The following TIAM1 variants were observed in gnomAD, a reference collection of about 807,000 sequenced individuals.
TIAM1 encodes rho guanine nucleotide exchange factor TIAM1.
TIAM1 carries 65 observed loss-of-function variants against 163.5 expected under a neutral mutation model. The observed-to-expected ratio is 0.40, with a 90% CI of 0.33 to 0.49. The LOEUF is 0.49. TIAM1 is among the 20% of genes least tolerant of loss of function. TIAM1 has a pLI of 0.77. For synonymous variants in TIAM1, 833 were observed against 810.1 expected (o/e 1.03, Z -0.48); for missense variants, 1,789 against 2,044.7 (o/e 0.87, Z 2.41).
intron 2 of TIAM1, among the ~76,000 whole-genome samples, chr21:31,319,703 C>A (rs1414986504): frequency 1.3e-5 from 2 of 150,682 alleles, no homozygotes; most frequent in African/African-American, 4.9e-5. Flanking sequence ...TGGCATGAAC[C>A]CGGGAGGCGG....
chr21:31,148,956 C>CTTTTTTTTTTTTTTTT (rs869158026), intron 19 of TIAM1, among the ~76,000 whole-genome samples: 3 of 28,844 alleles, frequency 1.0e-4, no homozygotes, highest in African/African-American at 2.8e-4. Flanking sequence ...ACAAGTTTTT[C>CTTTTTTTTTTTTTTTT]TTTTTCTTTT....
At chr21:31,254,713 C>T (rs1400185909) in intron 4 of TIAM1, among the ~76,000 whole-genome samples, 1 of 152,100 alleles carries the variant, frequency 6.6e-6, no homozygotes, top group Non-Finnish European at 1.5e-5. Flanking sequence ...CAAAACAAAA[C>T]AAACAAACAA....
At chr21:31,276,666 CA>C (rs1299442743) in intron 3 of TIAM1, 65 bp downstream of exon 3, 1 of 152,226 alleles carries the variant, frequency 6.6e-6, no homozygotes, top group Non-Finnish European at 1.5e-5. Context: ...TCTGTCCCAC[CA>C]CCTTTGAAGC....
intron 2 of TIAM1, among the ~76,000 whole-genome samples, chr21:31,325,698 A>T (rs550475782): frequency 6.6e-6 from 1 of 152,124 alleles, no homozygotes; most frequent in Admixed American, 6.5e-5. Flanking sequence ...TATACAGAAG[A>T]AGGTTCATCT....
intron 2 of TIAM1, among the ~76,000 whole-genome samples, chr21:31,369,115 T>A (rs1237810332): frequency 6.6e-6 from 1 of 151,214 alleles, no homozygotes; most frequent in Admixed American, 6.6e-5. Context: ...AGTCTCAGCT[T>A]CTTGGGAGGC....
chr21:31,401,450 A>G (rs1233910046), intron 2 of TIAM1, among the ~76,000 whole-genome samples: 1 of 152,188 alleles, frequency 6.6e-6, no homozygotes, highest in Non-Finnish European at 1.5e-5. Flanking sequence ...CCGAATATAA[A>G]CAATGGTAAA....
chr21:31,217,545 GA>G lies in TIAM1; in HGVS notation c.2142+7del, dbSNP rs760476182. The G allele has an allele frequency of 6.2e-7, 1 of 1,613,486 alleles. No homozygotes were observed. The highest frequency in any genetic ancestry group is 8.5e-7 in the Non-Finnish European group (1 of 1,179,662). On this transcript the variant is annotated splice_region_variant and intron_variant, in intron 9 of 27. Transcript: ENST00000541036. ...GCGGGCTCACTTTTCATCTGCTCTG[GA>G]ACCTACCTGATTGATGCTTGGCCGT...
rs1332914055 is a variant in TIAM1 at position 31,500,621 on chromosome 21, T to A, written c.-421-36586A>T. On this transcript the variant is annotated intron_variant, in intron 1 of 28. Transcript: ENST00000286827. ...ACACTGGGGCACAGCAGTCTTTTAA[T>A]CCAGTATGTTTAGCATCCTCAGGAG... 3.3e-5 allele frequency among the ~76,000 whole-genome samples: 5 copies of A among 152,112 alleles called. No individual in the cohort carries two copies. In the East Asian group the frequency reaches 9.6e-4, roughly 29 times the overall value.
intron 1 of TIAM1, among the ~76,000 whole-genome samples, chr21:31,512,774 T>G (rs1318243508): frequency 6.6e-6 from 1 of 151,484 alleles, no homozygotes; most frequent in East Asian, 1.9e-4. Context: ...CAAGCCACCA[T>G]GCCTAGTTAG....
chr21:31,166,877 C>T (rs2084245510), intron 15 of TIAM1, among the ~76,000 whole-genome samples: 1 of 152,194 alleles, frequency 6.6e-6, no homozygotes, highest in Non-Finnish European at 1.5e-5. Flanking sequence ...ACAGGAACCA[C>T]AGCATCCTCA....
chr21:31,361,212 CAAGAG>C (rs2076401048), intron 2 of TIAM1, among the ~76,000 whole-genome samples: 1 of 152,028 alleles, frequency 6.6e-6, no homozygotes, highest in Non-Finnish European at 1.5e-5. Flanking sequence ...GAGCTACACC[CAAGAG>C]AAAAGTTGAG....
chr21:31,503,390 GAAAGA>G (rs1487880905), intron 1 of TIAM1, among the ~76,000 whole-genome samples: 1 of 116,964 alleles, frequency 8.5e-6, no homozygotes, highest in Non-Finnish European at 1.6e-5. Context: ...GTAAACTGAG[GAAAGA>G]AAAGAAAAAG....
At position 31,171,679 on chromosome 21, in the gene TIAM1, T is replaced by C. The variant is rs140665898; in HGVS notation, c.2888-6614A>G. Among the ~76,000 whole-genome samples the C allele has an allele frequency of 3.5e-3, 528 of 152,334 alleles. 3 individuals are homozygous for C. The highest frequency in any genetic ancestry group is 0.012 in the African/African-American group (505 of 41,578). On this transcript the variant is annotated intron_variant, in intron 15 of 27. Coordinates refer to ENST00000541036, the MANE Select transcript of TIAM1 (RefSeq NM_001353694.2). ...ACAGTGATTATTTCTTTCATCTCTT[T>C]AAGCGCAGACTTTTATGTCTATTTC...
intron 2 of TIAM1, among the ~76,000 whole-genome samples, chr21:31,290,416 T>G (rs1302074755): frequency 1.3e-5 from 2 of 151,932 alleles, no homozygotes; most frequent in African/African-American, 4.8e-5. Context: ...GGCAGATCAC[T>G]TGAGGTCCGG....
chr21:31,217,032 C>A (rs1261981116), intron 9 of TIAM1, among the ~76,000 whole-genome samples: 4 of 152,002 alleles, frequency 2.6e-5, no homozygotes, highest in Non-Finnish European at 5.9e-5. Flanking sequence ...TATGGTGAAA[C>A]CCCATCTCTA....
At chr21:31,493,150 A>G (rs915014113) in intron 1 of TIAM1, among the ~76,000 whole-genome samples, 2 of 151,964 alleles carry the variant, frequency 1.3e-5, no homozygotes, top group Middle Eastern at 6.3e-3. Context: ...GGTACCATGC[A>G]GGCTCTGCAA....
intron 2 of TIAM1, among the ~76,000 whole-genome samples, chr21:31,396,008 T>C (rs2147207683): frequency 6.6e-6 from 1 of 152,334 alleles, no homozygotes; most frequent in South Asian, 2.1e-4. Flanking sequence ...GATTGGGATA[T>C]AGGCTAACAG....
chr21:31,336,482 C>T (rs2075843075), intron 2 of TIAM1, among the ~76,000 whole-genome samples: 2 of 145,002 alleles, frequency 1.4e-5, no homozygotes, highest in African/African-American at 2.7e-5. Context: ...TTAGAATTGC[C>T]CCTTGCTTTT....
chr21:31,147,750 TATATAATTA>T (rs950221980), intron 19 of TIAM1, among the ~76,000 whole-genome samples: 118 of 142,264 alleles, frequency 8.3e-4, no homozygotes, highest in African/African-American at 2.8e-3. Context: ...AAATATATAA[TATATAATTA>T]ATATATTATA....
Sources: allele counts gnomAD v4.1 joint callset (sites outside exome capture counted in the v4.1 genomes callset), GRCh38; gene constraint gnomAD v4.1.1; transcripts MANE v1.5; gene names NCBI Gene and HGNC (gene_info 2026-07-23, HGNC 2026-07-21).